Variants in ZNF615 observed in about 807,000 individuals in gnomAD.
ZNF615 encodes zinc finger protein 615.
ZNF615 carries 15 observed loss-of-function variants against 15.3 expected under a neutral mutation model. The ratio of observed to expected loss-of-function variants is 0.98; its 90% CI spans 0.66 to 1.51. The LOEUF (loss-of-function observed/expected upper bound fraction) is 1.51, where lower values mean the gene tolerates loss of function less well. ZNF615 is among the 40% of genes most tolerant of loss of function. The probability of loss-of-function intolerance (pLI) is 0.00; values close to 1 mark genes in which losing one functional copy is unlikely to be tolerated. For missense variants in ZNF615, 848 were observed against 895.9 expected (o/e 0.95, Z 0.68); for synonymous variants, 268 against 294.6 (o/e 0.91, Z 0.92).
chr19:51,997,494 A>G (rs2086472622), intron 6 of ZNF615, among the ~76,000 whole-genome samples: 1 of 146,186 alleles, frequency 6.8e-6, no homozygotes, highest in Admixed American at 6.9e-5. Flanking sequence ...TAAGACTCCA[A>G]CTAATGACCT....
chr19:52,007,638 C>T (rs1409455093), intron 1 of ZNF615, among the ~76,000 whole-genome samples: 1 of 152,194 alleles, frequency 6.6e-6, no homozygotes, highest in Admixed American at 6.5e-5. Flanking sequence ...CAGCCCACAT[C>T]GGAATCTGTG....
Position 51,992,843 on chromosome 19 carries a change from A to G in ZNF615, c.*37T>C. ...AATTACTCTTCTTTGCAGATATCTT[A>G]AGGGCCTACATCTGGCAAGAGGCTT... On this transcript the variant is annotated 3_prime_UTR_variant, in exon 7 of 7. Transcript: ENST00000598071. 2 of 1,601,096 alleles carry G rather than the reference A, an allele frequency of 1.2e-6. No homozygotes were observed. The highest frequency in any genetic ancestry group is 3.4e-5 in the Admixed American group (2 of 58,868).
At chr19:52,002,383 G>A (rs1055373696) in intron 3 of ZNF615, 102 bp from the exon 4 acceptor site, 41 of 1,541,556 alleles carry the variant, frequency 2.7e-5, no homozygotes, top group Non-Finnish European at 3.2e-5. Flanking sequence ...TAGGAAGCTG[G>A]TGGGGTTTTT....
chr19:51,998,052 AACGTCT>A (rs768507157), intron 6 of ZNF615, among the ~76,000 whole-genome samples: 19 of 152,264 alleles, frequency 1.2e-4, no homozygotes, highest in Non-Finnish European at 2.4e-4. Flanking sequence ...CCTCCCCATT[AACGTCT>A]ACCTTCTACG....
chr19:51,993,830 T>G lies in ZNF615; in HGVS notation c.1279A>C (p.Met427Leu). 6.2e-7 allele frequency: 1 copy of G among 1,614,212 alleles called. No individual in the cohort carries two copies. The highest frequency in any genetic ancestry group is 8.5e-7 in the Non-Finnish European group (1 of 1,180,012). ...GKGFSMKHCL[M>L]VHQRTHTGEK... ...CCAGTATGAGTTCGTTGATGTACCA[T>G]GAGACAGTGCTTCATTGAAAAGCCT... The change falls in exon 7 of 7, where the codon ATG becomes CTG. Residue 427 changes from methionine (M) to leucine (L), a missense_variant. Coordinates refer to ENST00000598071, the MANE Select transcript of ZNF615 (RefSeq NM_001199324.2).
At chr19:52,003,545 A>G (rs1015146520) in intron 3 of ZNF615, 152 bp downstream of exon 3, 8 of 671,510 alleles carry the variant, frequency 1.2e-5, no homozygotes, top group Non-Finnish European at 1.9e-5. Flanking sequence ...TATGAATCCT[A>G]TGAATAATAT....
intron 2 of ZNF615, among the ~76,000 whole-genome samples, chr19:52,006,963 T>A (rs1025847170): frequency 2.6e-5 from 4 of 152,068 alleles, no homozygotes; most frequent in Non-Finnish European, 5.9e-5. Flanking sequence ...AAAGTAATAG[T>A]CTAGATTGAA....
At chr19:51,996,086 T>C (rs932208661) in intron 6 of ZNF615, among the ~76,000 whole-genome samples, 2 of 152,044 alleles carry the variant, frequency 1.3e-5, no homozygotes, top group African/African-American at 4.8e-5. Flanking sequence ...TCAAAGATTA[T>C]TCCAAAAATT....
Position 51,993,061 on chromosome 19 carries a change from C to T in ZNF615, c.2048G>A (p.Arg683Lys), listed in dbSNP as rs200056760. The change falls in exon 7 of 7, where the codon AGA becomes AAA. Residue 683 changes from arginine (R) to lysine (K), a missense_variant. Transcript: ENST00000598071. ...LRKNDLITHQ[R>K]IHTGEKPYKC... Reference sequence around the variant, plus strand: ...GTACGGTTTCTCTCCTGTGTGAATTCTCTGATGTGTAATAAGATCATTTTT... The same window carrying T: ...GTACGGTTTCTCTCCTGTGTGAATTTTCTGATGTGTAATAAGATCATTTTT... 3.7e-4 allele frequency: 604 copies of T among 1,614,102 alleles called. No individual in the cohort carries two copies. Among genetic ancestry groups the T allele is most frequent in the Non-Finnish European group, 4.7e-4 (555 of 1,180,048 alleles).
chr19:51,993,146 G>A lies in ZNF615; in HGVS notation c.1963C>T (p.Arg655Ter), dbSNP rs761632834. Residue 655 changes from arginine to a stop codon, truncating the protein, a stop_gained, in exon 7 of 7, where the codon CGA (arginine) becomes TGA (stop). Transcript: ENST00000598071. LOFTEE classifies it low-confidence loss of function (END_TRUNC). ...RKKTCLIQHQ[R>*]FHTGKTSFAC... Reference sequence around the variant, plus strand: ...AAGGAAGTCTTTCCTGTGTGAAATCGCTGATGTTGTATGAGGCATGTCTTC... The same window carrying A: ...AAGGAAGTCTTTCCTGTGTGAAATCACTGATGTTGTATGAGGCATGTCTTC... 1.4e-5 allele frequency: 22 copies of A among 1,614,036 alleles called. No individual in the cohort carries two copies. Among genetic ancestry groups the A allele is most frequent in the South Asian group, 4.4e-5 (4 of 91,086 alleles).
Position 52,001,842 on chromosome 19 carries a change from T to G in ZNF615, c.209A>C (p.Glu70Ala). The G allele has an allele frequency of 6.2e-7, 1 of 1,614,122 alleles. No homozygotes were observed. The highest frequency in any genetic ancestry group is 8.5e-7 in the Non-Finnish European group (1 of 1,180,004). ...ACAGATTCGAGAGTAGATTTCATCT[T>G]CTGTTGTGCAAGTTTCTTCTCCTCG... is the stretch of plus-strand genomic sequence containing the variant. ...LERGEETCTTEDEIYSRICSD... is the reference protein window; with the variant it reads ...LERGEETCTTADEIYSRICSD... Residue 70 changes from glutamate to alanine, a missense_variant, in exon 5 of 7, where the codon GAA (glutamate) becomes GCA (alanine). Physicochemically the swap from Glu to Ala is moderately radical, Grantham distance 107. Coordinates refer to ENST00000598071, the MANE Select transcript of ZNF615 (RefSeq NM_001199324.2).
chr19:52,007,703 G>C (rs1032429916), intron 1 of ZNF615, among the ~76,000 whole-genome samples: 1 of 152,022 alleles, frequency 6.6e-6, no homozygotes, highest in Non-Finnish European at 1.5e-5. Flanking sequence ...AGAAACCTCC[G>C]TACCTTAACC....
rs775233883 is a variant in ZNF615 at position 51,994,040 on chromosome 19, A to C, written c.1069T>G (p.Cys357Gly). The stretch of plus-strand genomic sequence containing the variant: ...ATGAAGCCTTTTCCACATTCACTAC[A>C]TATATAAGGTTTTTCTCCTGTATGA... Reference protein sequence around the residue: ...KTHTGEKPYICSECGKGFIEK... With the variant: ...KTHTGEKPYIGSECGKGFIEK... Residue 357 changes from cysteine to glycine, a missense_variant, in exon 7 of 7, where the codon TGT becomes GGT. Transcript: ENST00000598071. The C allele has an allele frequency of 6.2e-7, 1 of 1,614,100 alleles. No individual in the cohort carries two copies. The highest frequency in any genetic ancestry group is 1.7e-5 in the Admixed American group (1 of 60,018).
intron 4 of ZNF615, 62 bp from the exon 5 acceptor site, chr19:52,001,970 G>A: frequency 6.2e-7 from 1 of 1,603,008 alleles, no homozygotes; most frequent in Non-Finnish European, 8.5e-7. Context: ...TATTGAAAAA[G>A]GAGAGTTACA....
At position 51,993,712 on chromosome 19, in the gene ZNF615, G is replaced by A; in HGVS notation, c.1397C>T (p.Pro466Leu). 1.2e-6 allele frequency: 2 copies of A among 1,613,820 alleles called. No homozygotes were observed. The highest frequency in any genetic ancestry group is 8.5e-7 in the Non-Finnish European group (1 of 1,179,954). Residue 466 changes from proline (P) to leucine (L), a missense_variant, in exon 7 of 7, where the codon CCC (proline) becomes CTC (leucine). Transcript: ENST00000598071. ...RHQRTHTGEKPYVCTECRKGF... is the reference protein window; with the variant it reads ...RHQRTHTGEKLYVCTECRKGF... ...TTTTCGACATTCGGTGCATACATAG[G>A]GTTTCTCTCCAGTATGTGTTCGCTG...
chr19:51,993,408 A>G lies in ZNF615; in HGVS notation c.1701T>C (p.Asn567=). 2 of 1,613,910 alleles carry G rather than the reference A, an allele frequency of 1.2e-6. No individual in the cohort carries two copies. The highest frequency in any genetic ancestry group is 1.7e-6 in the Non-Finnish European group (2 of 1,179,962). ...CTCCTGTATGAGTGCGCCGATGTAC[A>G]TTGAGATGACTCTTCTCAGTGAAGC... ...GKGFTEKSHL[N]VHRRTHTGEK... is the part of the protein sequence containing the mutation. Residue 567 remains asparagine (N), a synonymous_variant, in exon 7 of 7, where the codon AAT becomes AAC. Transcript: ENST00000598071.
At chr19:52,002,439 G>C (rs1436727434) in intron 3 of ZNF615, 158 bp from the exon 4 acceptor site, 1 of 1,047,630 alleles carries the variant, frequency 9.5e-7, no homozygotes, top group Non-Finnish European at 1.5e-6. Context: ...AAAATATTCT[G>C]TAACTGTGCG....
rs1031087208 is a variant in ZNF615, at chr19:51,992,948, A to T, written c.2161T>A (p.Cys721Ser). 3.1e-6 allele frequency: 5 copies of T among 1,614,000 alleles called. No homozygotes were observed. The highest frequency in any genetic ancestry group is 4.2e-6 in the Non-Finnish European group (5 of 1,180,038). The change falls in exon 7 of 7, where the codon TGT (cysteine) becomes AGT (serine). Residue 721 changes from cysteine to serine, a missense_variant. By Grantham distance (112) the Cys-to-Ser change is moderately radical. Coordinates refer to ENST00000598071, the MANE Select transcript of ZNF615 (RefSeq NM_001199324.2). ...RKHTGERPYG[C>S]SDCGKAFAHL... The stretch of plus-strand genomic sequence containing the variant: ...GCAAAAGCTTTCCCACAATCACTAC[A>T]TCCATAGGGCCTCTCTCCTGTATGT...
intron 2 of ZNF615, 70 bp downstream of exon 2, chr19:52,007,223 T>G: frequency 1.1e-6 from 1 of 898,598 alleles, no homozygotes; most frequent in Non-Finnish European, 1.6e-6. Context: ...ATTAAGCACA[T>G]AACATACACG....
Sources: gnomAD v4.1 joint callset for allele counts (sites outside exome capture counted in the v4.1 genomes callset) on GRCh38, gnomAD v4.1.1 for gene constraint, MANE v1.5 for transcripts, NCBI Gene and HGNC (gene_info 2026-07-23, HGNC 2026-07-21) for gene names.